The following IGF1R variants were observed in gnomAD, a reference collection of about 807,000 sequenced individuals.
The protein encoded by IGF1R is insulin-like growth factor 1 receptor.
In IGF1R, 44 loss-of-function variants were observed where a neutral mutation model predicts 144.6. The observed-to-expected ratio is 0.30, with a 90% CI of 0.24 to 0.39. IGF1R has a LOEUF of 0.39. Ranked by LOEUF, IGF1R falls within the 10% of genes least tolerant of loss-of-function variation. The probability of loss-of-function intolerance (pLI) is 1.00; values close to 1 mark genes in which losing one functional copy is unlikely to be tolerated. For synonymous variants in IGF1R, 795 were observed against 722.8 expected (o/e 1.10, Z -1.60); for missense variants, 1,355 against 1,833.7 (o/e 0.74, Z 4.77).
chr15:98,842,337 G>A (rs976045167), intron 2 of IGF1R, among the ~76,000 whole-genome samples: 1 of 152,178 alleles, frequency 6.6e-6, no homozygotes, highest in African/African-American at 2.4e-5. Flanking sequence ...ACAATCTGTT[G>A]TCCTATAGAG....
At chr15:98,902,128 G>T (rs1170265854) in intron 5 of IGF1R, among the ~76,000 whole-genome samples, 1 of 152,046 alleles carries the variant, frequency 6.6e-6, no homozygotes, top group Non-Finnish European at 1.5e-5. Flanking sequence ...GGGGGTGGGG[G>T]CAGGGGTGGA....
chr15:98,763,775 T>TTCC (rs2055366127), intron 2 of IGF1R, among the ~76,000 whole-genome samples: 6 of 152,350 alleles, frequency 3.9e-5, no homozygotes, highest in Middle Eastern at 3.4e-3. Context: ...CCTGACCGAA[T>TTCC]AAAGCCTACT....
At chr15:98,856,625 A>G (rs1461856503) in intron 2 of IGF1R, among the ~76,000 whole-genome samples, 1 of 152,252 alleles carries the variant, frequency 6.6e-6, no homozygotes, top group Non-Finnish European at 1.5e-5. Flanking sequence ...GCATTTGAAA[A>G]TAAAGGGTGG....
intron 1 of IGF1R, among the ~76,000 whole-genome samples, chr15:98,650,122 C>T (rs565985980): frequency 1.3e-3 from 194 of 152,288 alleles, no homozygotes; most frequent in African/African-American, 4.3e-3. Flanking sequence ...CGCACCGCGT[C>T]TCCGCTGCTG....
At chr15:98,689,952 T>G (rs1016386165) in intron 1 of IGF1R, among the ~76,000 whole-genome samples, 1 of 152,122 alleles carries the variant, frequency 6.6e-6, no homozygotes, top group Non-Finnish European at 1.5e-5. Flanking sequence ...TTCCAAAATG[T>G]GGGCTCCTTT....
chr15:98,805,979 C>A (rs776740286), intron 2 of IGF1R, among the ~76,000 whole-genome samples: 1 of 152,124 alleles, frequency 6.6e-6, no homozygotes, highest in Admixed American at 6.5e-5. Context: ...GCTGCAGATG[C>A]GAGTAGCAGG....
At chr15:98,904,772 A>G (rs1177261947) in intron 5 of IGF1R, among the ~76,000 whole-genome samples, 3 of 152,210 alleles carry the variant, frequency 2.0e-5, no homozygotes, top group African/African-American at 7.2e-5. Context: ...AAGCACTGAA[A>G]ATGGGGAAAC....
chr15:98,800,131 G>A (rs1283215840), intron 2 of IGF1R, among the ~76,000 whole-genome samples: 1 of 152,102 alleles, frequency 6.6e-6, no homozygotes, highest in African/African-American at 2.4e-5. Flanking sequence ...GGGACTTGGT[G>A]TTTTACAGAG....
At chr15:98,772,147 C>T (rs2055601817) in intron 2 of IGF1R, among the ~76,000 whole-genome samples, 1 of 152,034 alleles carries the variant, frequency 6.6e-6, no homozygotes, top group Non-Finnish European at 1.5e-5. Flanking sequence ...TCTTTATTGA[C>T]CATGTAGCAA....
chr15:98,682,444 T>C (rs1231596458), intron 1 of IGF1R, among the ~76,000 whole-genome samples: 1 of 152,218 alleles, frequency 6.6e-6, no homozygotes, highest in Non-Finnish European at 1.5e-5. Context: ...GGAGTCTTTC[T>C]CTTTAAATAC....
chr15:98,839,380 C>G (rs1679403883), intron 2 of IGF1R, among the ~76,000 whole-genome samples: 1 of 152,132 alleles, frequency 6.6e-6, no homozygotes. Flanking sequence ...AAGTCTCCCC[C>G]ACCTCCCTAC....
At chr15:98,811,918 G>A (rs368797266) in intron 2 of IGF1R, among the ~76,000 whole-genome samples, 1 of 151,986 alleles carries the variant, frequency 6.6e-6, no homozygotes, top group South Asian at 2.1e-4. Context: ...GCCAGACTCT[G>A]TCTCAAAAAA....
At chr15:98,875,736 A>T (rs1394629760) in intron 2 of IGF1R, among the ~76,000 whole-genome samples, 1 of 152,214 alleles carries the variant, frequency 6.6e-6, no homozygotes, top group Non-Finnish European at 1.5e-5. Context: ...GGCAATTAAA[A>T]GATGAGGCTG....
At position 98,960,248 on chromosome 15, in the gene IGF1R, T is replaced by C; in HGVS notation, c.*2806T>C. The C allele has an allele frequency of 4.3e-6, 1 of 233,574 alleles. No homozygotes were observed. The allele number at this position is 233,574 out of a possible 1,614,324, so 14.5% of individuals were successfully genotyped here. A position where few individuals can be genotyped will look rare whatever the true frequency, so the allele number is the denominator to read the frequency against. ...CAACACTAACTCACCTCTCTGCTCA[T>C]TTCAGACAGCTTGCCTTTTTCTGAG... is the stretch of plus-strand genomic sequence containing the variant. On this transcript the variant is annotated 3_prime_UTR_variant, in exon 21 of 21. Coordinates refer to ENST00000650285, the MANE Select transcript of IGF1R (RefSeq NM_000875.5).
In IGF1R at chr15:98,891,774, G is replaced by T. The variant is rs1596403423; in HGVS notation, c.953+137G>T. 2.5e-6 allele frequency: 2 copies of T among 793,950 alleles called. No individual in the cohort carries two copies. The highest frequency in any genetic ancestry group is 2.7e-5 in the East Asian group (1 of 37,204). The allele number at this position is 793,950 out of a possible 1,614,324, so 49.2% of individuals were successfully genotyped here. A position where few individuals can be genotyped will look rare whatever the true frequency, so the allele number is the denominator to read the frequency against. ...CACTGAGGTGGGTCATTTTGAGAGG[G>T]CTGGCTTACCTTAAATGTTTGGTGA... On this transcript the variant is annotated intron_variant, in intron 3 of 20. Transcript: ENST00000650285. This position sits in a 1 kb window ranked among gnomAD's most constrained non-coding sequence, Gnocchi z 4.7.
At chr15:98,814,696 T>G (rs539388778) in intron 2 of IGF1R, among the ~76,000 whole-genome samples, 1 of 152,308 alleles carries the variant, frequency 6.6e-6, no homozygotes, top group South Asian at 2.1e-4. Context: ...CAAGATGGCT[T>G]TCAGAGAGCT....
chr15:98,797,005 T>G (rs1596311595), intron 2 of IGF1R, among the ~76,000 whole-genome samples: 1 of 151,946 alleles, frequency 6.6e-6, no homozygotes, highest in South Asian at 2.1e-4. Flanking sequence ...CATTTGGGGG[T>G]GTGGTGCTAT....
At chr15:98,694,152 A>G (rs540167429) in intron 1 of IGF1R, among the ~76,000 whole-genome samples, 4 of 152,110 alleles carry the variant, frequency 2.6e-5, no homozygotes, top group Non-Finnish European at 5.9e-5. Context: ...TTTTTAAAGC[A>G]TAATTGTTCG....
chr15:98,830,169 A>G (rs983410699), intron 2 of IGF1R, among the ~76,000 whole-genome samples: 1 of 152,148 alleles, frequency 6.6e-6, no homozygotes, highest in African/African-American at 2.4e-5. Flanking sequence ...TTTCCTGTCT[A>G]CCTGGACTGT....
Sources: gnomAD v4.1 joint callset for allele counts (sites outside exome capture counted in the v4.1 genomes callset) on GRCh38, gnomAD v4.1.1 for gene constraint, Gnocchi (gnomAD v3.1) non-coding constraint, MANE v1.5 for transcripts, NCBI Gene and HGNC (gene_info 2026-07-23, HGNC 2026-07-21) for gene names.